THSD4: variants seen among roughly 807,000 people sequenced by gnomAD.
The protein encoded by THSD4 is thrombospondin type-1 domain-containing protein 4.
Under a neutral mutation model 119.0 loss-of-function variants are expected in THSD4, and 69 were observed. The observed-to-expected ratio is 0.58, with a 90% confidence interval of 0.48 to 0.71. The LOEUF is 0.71. Ranked by LOEUF, THSD4 falls within the 30% of genes least tolerant of loss-of-function variation. The pLI is 0.00. For synonymous variants in THSD4, 524 were observed against 540.4 expected (o/e 0.97, Z 0.42); for missense variants, 1,393 against 1,391.1 (o/e 1.00, Z -0.02).
rs985553649 is a variant in THSD4 at position 71,508,653 on chromosome 15, C to G, written c.1152+96830C>G. Among the ~76,000 whole-genome samples the G allele has an allele frequency of 2.0e-5, 3 of 152,308 alleles. No individual in the cohort carries two copies. The East Asian group carries it at 5.8e-4, about 29-fold the overall frequency. On this transcript the variant is annotated intron_variant, in intron 7 of 17. Transcript: ENST00000261862. Reference sequence around the variant, plus strand: ...GTAAAGGGGGTGAGCTAAAGCATTTCAGTTTTCTTCTGAGTAGAGAAGTGA... The same window carrying G: ...GTAAAGGGGGTGAGCTAAAGCATTTGAGTTTTCTTCTGAGTAGAGAAGTGA...
rs577170402 is a variant in THSD4 at position 71,339,551 on chromosome 15, G to T, written c.1016-72136G>T. Among the ~76,000 whole-genome samples, 5 of 152,208 alleles carry T rather than the reference G, an allele frequency of 3.3e-5. No homozygotes were observed. The South Asian group carries it at 1.0e-3, about 32-fold the overall frequency. On this transcript the variant is annotated intron_variant, in intron 6 of 17. Transcript: ENST00000261862. Reference sequence around the variant, plus strand: ...TTATCTATTATCGATCAGGTATGGGGTGTAGTGTTTAAGAGATGGGTTGCC... The same window carrying T: ...TTATCTATTATCGATCAGGTATGGGTTGTAGTGTTTAAGAGATGGGTTGCC...
intron 7 of THSD4, among the ~76,000 whole-genome samples, chr15:71,452,360 C>T (rs2047276878): frequency 6.6e-6 from 1 of 151,986 alleles, no homozygotes; most frequent in Admixed American, 6.5e-5. Flanking sequence ...TTCCCACCCC[C>T]AGGTGTTTCT....
intron 6 of THSD4, among the ~76,000 whole-genome samples, chr15:71,393,628 T>G (rs73439632): frequency 2.4e-3 from 371 of 152,296 alleles, no homozygotes; most frequent in African/African-American, 8.6e-3. Context: ...TGAAAGCTCC[T>G]GGGTGTCTGG....
At chr15:71,766,838 G>A (rs1237835651) in intron 16 of THSD4, 1 of 152,040 alleles carries the variant, frequency 6.6e-6, no homozygotes, top group Non-Finnish European at 1.5e-5. Context: ...CAAAAATATG[G>A]ATGAACTTCC....
At chr15:71,667,900 C>T (rs2051447578) in intron 8 of THSD4, among the ~76,000 whole-genome samples, 1 of 152,166 alleles carries the variant, frequency 6.6e-6, no homozygotes, top group South Asian at 2.1e-4. Context: ...GTGTATTCTC[C>T]AGCCCTTTCT....
intron 8 of THSD4, among the ~76,000 whole-genome samples, chr15:71,681,203 C>T (rs2051768411): frequency 6.6e-6 from 1 of 152,068 alleles, no homozygotes; most frequent in Non-Finnish European, 1.5e-5. Context: ...GCATGAGCCA[C>T]TGCTCCCGGC....
At chr15:71,754,161 A>C (rs1385044928) in intron 14 of THSD4, among the ~76,000 whole-genome samples, 1 of 142,822 alleles carries the variant, frequency 7.0e-6, no homozygotes, top group Non-Finnish European at 1.5e-5. Context: ...GGCTTACTGC[A>C]TCACTGCAAC....
intron 15 of THSD4, among the ~76,000 whole-genome samples, chr15:71,764,471 G>C (rs1458850736): frequency 6.6e-6 from 1 of 152,248 alleles, no homozygotes; most frequent in Non-Finnish European, 1.5e-5. Context: ...GGGCTCTGTA[G>C]TCACAGTTCC....
intron 6 of THSD4, chr15:71,342,664 G>A (rs1445370201): frequency 6.6e-6 from 1 of 152,386 alleles, no homozygotes; most frequent in Non-Finnish European, 1.5e-5. Flanking sequence ...ACTCTGACAT[G>A]TTCGTCCTTG....
intron 7 of THSD4, among the ~76,000 whole-genome samples, chr15:71,538,082 A>G (rs1449530900): frequency 6.6e-6 from 1 of 152,102 alleles, no homozygotes; most frequent in Non-Finnish European, 1.5e-5. Context: ...AATTCTGTTT[A>G]TGATATTTTC....
intron 1 of THSD4, among the ~76,000 whole-genome samples, chr15:71,105,036 A>G (rs139037122): frequency 0.011 from 1,718 of 152,204 alleles, 35 homozygotes; most frequent in African/African-American, 0.038. Flanking sequence ...AAACTCCAAA[A>G]GGGTGGGGAT....
intron 6 of THSD4, among the ~76,000 whole-genome samples, chr15:71,319,996 C>A (rs2045245843): frequency 6.6e-6 from 1 of 152,112 alleles, no homozygotes; most frequent in African/African-American, 2.4e-5. Context: ...GGTCATAGAA[C>A]CATTTTTAAA....
At chr15:71,328,594 T>G (rs1339176168) in intron 6 of THSD4, among the ~76,000 whole-genome samples, 1 of 152,218 alleles carries the variant, frequency 6.6e-6, no homozygotes, top group East Asian at 1.9e-4. Flanking sequence ...GAGCCAGCAT[T>G]CTAGCGAGAG....
chr15:71,249,411 C>CATAT (rs371956679), intron 5 of THSD4, among the ~76,000 whole-genome samples: 25,161 of 118,070 alleles, frequency 0.21, 4,246 homozygotes, highest in South Asian at 0.37. Flanking sequence ...TTATTGACTT[C>CATAT]ATATATATAT....
intron 6 of THSD4, among the ~76,000 whole-genome samples, chr15:71,350,307 G>A (rs969358953): frequency 6.6e-5 from 10 of 152,010 alleles, no homozygotes; most frequent in African/African-American, 2.4e-4. Context: ...AAAGGATATG[G>A]TGTCTGTTTA....
intron 7 of THSD4, among the ~76,000 whole-genome samples, chr15:71,586,766 A>T (rs1260486306): frequency 6.6e-6 from 1 of 152,212 alleles, no homozygotes; most frequent in African/African-American, 2.4e-5. Flanking sequence ...CAGGGTATGC[A>T]GTACAGCAGA....
chr15:71,112,647 G>T (rs953296678), upstream of THSD4, among the ~76,000 whole-genome samples: 7 of 152,182 alleles, frequency 4.6e-5, no homozygotes, highest in African/African-American at 1.7e-4. Context: ...CCCCAGCCTA[G>T]GTAAGCACAG....
chr15:71,430,502 C>T (rs1372037310), intron 7 of THSD4, among the ~76,000 whole-genome samples: 1 of 152,188 alleles, frequency 6.6e-6, no homozygotes, highest in East Asian at 1.9e-4. Context: ...AAAGATTTGA[C>T]TTGCCCTCAG....
At chr15:71,101,495 G>C (rs2040253365) in intron 1 of THSD4, among the ~76,000 whole-genome samples, 1 of 151,930 alleles carries the variant, frequency 6.6e-6, no homozygotes, top group Admixed American at 6.6e-5. Flanking sequence ...ATTTTTCCAG[G>C]TATCTACCAT....
Sources: gnomAD v4.1 joint callset for allele counts (sites outside exome capture counted in the v4.1 genomes callset) on GRCh38, gnomAD v4.1.1 for gene constraint, MANE v1.5 for transcripts, NCBI Gene and HGNC (gene_info 2026-07-23, HGNC 2026-07-21) for gene names.